The following BECN1 variants were observed in gnomAD, a reference collection of about 807,000 sequenced individuals.
BECN1 encodes the protein beclin 1, also known as beclin-1.
BECN1 carries 15 observed loss-of-function variants against 60.1 expected under a neutral mutation model. That is an observed-to-expected ratio of 0.25 (90% confidence interval 0.17 to 0.38). The LOEUF (loss-of-function observed/expected upper bound fraction) is 0.38. Among genes scored for constraint, BECN1 ranks in the 10% least tolerant of loss-of-function variants. The probability of loss-of-function intolerance (pLI) is 1.00; values close to 1 mark genes in which losing one functional copy is unlikely to be tolerated. For missense variants in BECN1, 424 were observed against 548.2 expected (o/e 0.77, Z 2.26); for synonymous variants, 179 against 201.8 (o/e 0.89, Z 0.96).
At chr17:42,820,039 A>T (rs1471217209) in intron 3 of BECN1, among the ~76,000 whole-genome samples, 4 of 152,110 alleles carry the variant, frequency 2.6e-5, no homozygotes, top group Non-Finnish European at 5.9e-5. Context: ...TGTGACCAAA[A>T]TCTCACAGCA....
At chr17:42,820,322 T>C (rs941665448) in intron 3 of BECN1, 2 of 157,134 alleles carry the variant, frequency 1.3e-5, no homozygotes, top group Non-Finnish European at 2.8e-5. Context: ...AAATGACATG[T>C]TCTCTAACAC....
chr17:42,819,312 T>G (rs550288548), intron 4 of BECN1: 5 of 509,766 alleles, frequency 9.8e-6, no homozygotes, highest in Non-Finnish European at 1.7e-5. Flanking sequence ...TCCCTCAATT[T>G]TTTTCAATAC....
At chr17:42,817,953 C>CGGGA in intron 7 of BECN1, among the ~76,000 whole-genome samples, 1 of 152,284 alleles carries the variant, frequency 6.6e-6, no homozygotes, top group Admixed American at 6.5e-5. Context: ...TGAGCCCATT[C>CGGGA]CCTACAGGAC....
rs1183621723 is a variant in BECN1 at position 42,818,535 on chromosome 17, G to A, written c.488+9C>T. 6.2e-7 allele frequency: 1 copy of A among 1,613,986 alleles called. No individual in the cohort carries two copies. The highest frequency in any genetic ancestry group is 1.3e-5 in the African/African-American group (1 of 74,922). ...AACAGCTCTGAGCCCTGGCTCTGGA[G>A]ACACTCACTTGTAGTTCTGACACTC... On this transcript the variant is annotated intron_variant, in intron 6 of 11. Coordinates refer to ENST00000590099, the MANE Select transcript of BECN1 (RefSeq NM_001313998.2).
intron 8 of BECN1, 188 bp downstream of exon 8, chr17:42,815,720 G>A: frequency 1.4e-6 from 1 of 713,768 alleles, no homozygotes; most frequent in Non-Finnish European, 2.3e-6. Flanking sequence ...TCTTTAGAAG[G>A]GCGGATGTCA....
chr17:42,819,125 T>C (rs1022525285), intron 4 of BECN1: 1 of 540,012 alleles, frequency 1.9e-6, no homozygotes, highest in Non-Finnish European at 3.3e-6. Context: ...CATAAAAAAT[T>C]CATATGTCTA....
rs1567666468 is a variant in BECN1 at position 42,810,746 on chromosome 17, CCT to C, written c.*12_*13del. 2.5e-6 allele frequency: 4 copies of C among 1,587,430 alleles called. No homozygotes were observed. The South Asian group carries it at 4.7e-5, about 19-fold the overall frequency. ...TAAAAGCCTTTAAGGCAAACCTCCCCCTAAGGAAAAAAGTCATTTGTTATAAA... is the reference window on the plus strand; with the variant it reads ...TAAAAGCCTTTAAGGCAAACCTCCCCAAGGAAAAAAGTCATTTGTTATAAA... On this transcript the variant is annotated 3_prime_UTR_variant, in exon 12 of 12. Transcript: ENST00000590099.
intron 3 of BECN1, among the ~76,000 whole-genome samples, chr17:42,819,863 T>C (rs968153970): frequency 1.3e-5 from 2 of 152,102 alleles, no homozygotes; most frequent in African/African-American, 4.8e-5. Context: ...TATGTTACAC[T>C]CTATGTATGG....
chr17:42,812,432 T>C (rs901980419), intron 10 of BECN1: 13 of 132,850 alleles, frequency 9.8e-5, no homozygotes, highest in Admixed American at 4.6e-4. Context: ...AATAAAAATA[T>C]GCCAGGCACA....
intron 10 of BECN1, 75 bp from the exon 11 acceptor site, chr17:42,811,872 A>T (rs893031773): frequency 4.6e-6 from 7 of 1,533,674 alleles, no homozygotes; most frequent in Non-Finnish European, 6.2e-6. Context: ...AATCCTATCA[A>T]TCTCTCAAGT....
At position 42,814,540 on chromosome 17, in the gene BECN1, C is replaced by A. The variant is rs979013935; in HGVS notation, c.964G>T (p.Gly322Cys). ...LLLHALANKMGLKFQRYRLVP... is the reference protein window; with the variant it reads ...LLLHALANKMCLKFQRYRLVP... ...ACTTCCTACCTCTGAAATTTCAGAC[C>A]CATCTTATTGGCCAGAGCATGGAGC... The change falls in exon 9 of 12, where the codon GGT becomes TGT. Residue 322 changes from glycine (G) to cysteine (C), a missense_variant. Coordinates refer to ENST00000590099, the MANE Select transcript of BECN1 (RefSeq NM_001313998.2). 5.0e-6 allele frequency: 8 copies of A among 1,613,980 alleles called. No homozygotes were observed. Among genetic ancestry groups the A allele is most frequent in the African/African-American group, 2.7e-5 (2 of 74,902 alleles).
intron 10 of BECN1, chr17:42,812,420 A>C (rs1238592623): frequency 6.6e-6 from 1 of 150,550 alleles, no homozygotes; most frequent in Non-Finnish European, 1.5e-5. Context: ...AAAAGAAAAA[A>C]AAATAAAAAT....
chr17:42,818,848 A>C lies in BECN1; in HGVS notation c.290T>G (p.Phe97Cys). 1 of 1,614,112 alleles carries C rather than the reference A, an allele frequency of 6.2e-7. No individual in the cohort carries two copies. The highest frequency in any genetic ancestry group is 8.5e-7 in the Non-Finnish European group (1 of 1,180,020). ...RMMSTESANS[F>C]TLIGEASDGG... ...ATCAGATGCCTCCCCAATCAGAGTG[A>C]AGCTGTTGGCACTTTCTGTGGACAT... is the stretch of plus-strand genomic sequence containing the variant. Residue 97 changes from phenylalanine (F) to cysteine (C), a missense_variant, in exon 5 of 12, where the codon TTC becomes TGC. By Grantham distance (205) the Phe-to-Cys change is radical. This residue lies in a region of BECN1 where 96 missense variants were observed against 125.6 expected (regional missense o/e 0.76). Transcript: ENST00000590099.
At chr17:42,823,428 T>A (rs541350000) in intron 2 of BECN1, among the ~76,000 whole-genome samples, 1 of 152,248 alleles carries the variant, frequency 6.6e-6, no homozygotes, top group South Asian at 2.1e-4. Context: ...CTAATTTTTG[T>A]ATTTTTAGTA....
intron 2 of BECN1, among the ~76,000 whole-genome samples, chr17:42,822,578 T>A (rs2055290874): frequency 1.3e-5 from 2 of 152,196 alleles, no homozygotes; most frequent in Admixed American, 1.3e-4. Flanking sequence ...TTATTTTTTT[T>A]AATTATAGAG....
chr17:42,815,180 G>A (rs1317675971), intron 8 of BECN1, among the ~76,000 whole-genome samples: 1 of 149,512 alleles, frequency 6.7e-6, no homozygotes, highest in East Asian at 1.9e-4. Context: ...CGAGGCCTAC[G>A]AGATCCTTCA....
At position 42,821,992 on chromosome 17, in the gene BECN1, G is replaced by T. The variant is rs1597941710; in HGVS notation, c.131-1151C>A. On this transcript the variant is annotated intron_variant, in intron 2 of 11. Transcript: ENST00000590099. ...GAGGCTGAGGCGGGCAGATCACAAG[G>T]TCAAGAGATCGAGACCATCCTGGCC... 2.0e-5 allele frequency among the ~76,000 whole-genome samples: 3 copies of T among 152,286 alleles called. No homozygotes were observed. The East Asian group carries it at 5.8e-4, about 29-fold the overall frequency.
rs9899199 is a variant in BECN1, at chr17:42,821,977, C to T, written c.131-1136G>A. ...GTCCCAGCACTTTGGGAGGCTGAGG[C>T]GGGCAGATCACAAGGTCAAGAGATC... On this transcript the variant is annotated intron_variant, in intron 2 of 11. Transcript: ENST00000590099. Among the ~76,000 whole-genome samples the T allele has an allele frequency of 9.8e-3, 1,495 of 152,252 alleles. 29 individuals carry two copies. The highest frequency in any genetic ancestry group is 0.034 in the African/African-American group (1,418 of 41,550).
rs2055100455 is a variant in BECN1, at chr17:42,814,355, A to C, written c.980+169T>G. 2.0e-5 allele frequency: 17 copies of C among 833,866 alleles called. No homozygotes were observed. In the South Asian group the frequency reaches 2.8e-4, roughly 14 times the overall value. 51.7% of individuals were successfully genotyped at this position (833,866 alleles called of 1,614,324 possible). On this transcript the variant is annotated intron_variant, in intron 9 of 11. Transcript: ENST00000590099. ...AACTCAGTGACTGTGTGATCAGTGG[A>C]GAGAGCCCTGTGATGAGGGGAAAAT...
Sources: gnomAD v4.1 joint callset for allele counts (sites outside exome capture counted in the v4.1 genomes callset) on GRCh38, gnomAD v4.1.1 for gene constraint, gnomAD v4.1.1 regional missense constraint, MANE v1.5 for transcripts, NCBI Gene and HGNC (gene_info 2026-07-23, HGNC 2026-07-21) for gene names.